The following RBFOX1 variants were observed in gnomAD, a reference collection of about 807,000 sequenced individuals.
RBFOX1 encodes the protein RNA binding protein fox-1 homolog 1.
In RBFOX1, 8 loss-of-function variants were observed where a neutral mutation model predicts 57.7. That is an observed-to-expected ratio of 0.14 (90% CI 0.08 to 0.25). RBFOX1 has a LOEUF of 0.25. Among genes scored for constraint, RBFOX1 ranks in the 10% least tolerant of loss-of-function variants. RBFOX1 has a pLI of 1.00. For missense variants in RBFOX1, 611 were observed against 548.5 expected (o/e 1.11, Z -1.14); for synonymous variants, 326 against 222.4 (o/e 1.47, Z -4.15).
intron 3 of RBFOX1, among the ~76,000 whole-genome samples, chr16:5,794,874 T>A (rs765636314): frequency 2.0e-5 from 3 of 152,186 alleles, no homozygotes; most frequent in Admixed American, 6.5e-5. Context: ...TATGGCGACA[T>A]TCGGCAAGAT....
intron 4 of RBFOX1, among the ~76,000 whole-genome samples, chr16:7,347,731 C>G (rs943925714): frequency 6.6e-6 from 1 of 152,178 alleles, no homozygotes; most frequent in African/African-American, 2.4e-5. Context: ...TGGACCCAAC[C>G]TATCGTATGT....
At chr16:5,898,100 C>T (rs926477120) in intron 4 of RBFOX1, among the ~76,000 whole-genome samples, 7 of 152,078 alleles carry the variant, frequency 4.6e-5, no homozygotes, top group African/African-American at 1.7e-4. Context: ...GGGCAGCAAA[C>T]CTGTCCTTCT....
chr16:5,796,466 A>AG (rs2054882511), intron 3 of RBFOX1, among the ~76,000 whole-genome samples: 1 of 152,182 alleles, frequency 6.6e-6, no homozygotes, highest in African/African-American at 2.4e-5. Flanking sequence ...AGAGAGGAAC[A>AG]GGAGTGGTGG....
intron 2 of RBFOX1, among the ~76,000 whole-genome samples, chr16:5,523,731 G>T (rs76896937): frequency 0.027 from 4,062 of 152,316 alleles, 91 homozygotes; most frequent in Middle Eastern, 0.054. Context: ...TGGTAGTTCT[G>T]TCTTCAATTT....
At chr16:5,399,777 G>C (rs900569671) in intron 1 of RBFOX1, among the ~76,000 whole-genome samples, 12 of 151,554 alleles carry the variant, frequency 7.9e-5, no homozygotes, top group Admixed American at 6.6e-4. Flanking sequence ...GCAGTTCTAA[G>C]TCATGACATA....
chr16:6,787,165 C>T (rs976409388), intron 3 of RBFOX1, among the ~76,000 whole-genome samples: 1 of 152,130 alleles, frequency 6.6e-6, no homozygotes, highest in African/African-American at 2.4e-5. Flanking sequence ...AAACATTTAT[C>T]AGATGTGTGG....
At chr16:6,117,815 C>T (rs1002053396) in intron 1 of RBFOX1, among the ~76,000 whole-genome samples, 2 of 152,174 alleles carry the variant, frequency 1.3e-5, no homozygotes, top group Admixed American at 6.5e-5. Flanking sequence ...GGAAAAAAGA[C>T]ATAGTCAAGT....
chr16:6,743,104 T>A (rs1035049298), intron 3 of RBFOX1, among the ~76,000 whole-genome samples: 8 of 152,222 alleles, frequency 5.3e-5, no homozygotes, highest in African/African-American at 1.9e-4. Context: ...ATTTGTAATA[T>A]TTTCAAAATA....
rs182429832 is a variant in RBFOX1, at chr16:5,407,958, A to C, written c.220-59258A>C. 4.8e-3 allele frequency among the ~76,000 whole-genome samples: 725 copies of C among 152,370 alleles called. 24 individuals are homozygous for C. Among genetic ancestry groups the C allele is most frequent in the Admixed American group, 0.044 (675 of 15,304 alleles). On this transcript the variant is annotated intron_variant, in intron 1 of 2. Coordinates refer to the RBFOX1 transcript ENST00000585867. ...CTGCCCAGGACCCAATTTGGATTGAACAGCCTTAGGAAGATTCTGGCCATT... is the reference window on the plus strand; with the variant it reads ...CTGCCCAGGACCCAATTTGGATTGACCAGCCTTAGGAAGATTCTGGCCATT...
chr16:7,532,325 T>C (rs568257016), intron 5 of RBFOX1, among the ~76,000 whole-genome samples: 15 of 152,100 alleles, frequency 9.9e-5, no homozygotes, highest in Admixed American at 7.2e-4. Context: ...GAGACAACAG[T>C]GGGTGGCGCC....
At chr16:6,074,764 C>T (rs1032886924) in intron 1 of RBFOX1, among the ~76,000 whole-genome samples, 1 of 152,096 alleles carries the variant, frequency 6.6e-6, no homozygotes, top group Non-Finnish European at 1.5e-5. Flanking sequence ...AGAGGCAGCA[C>T]AGAAGCTCAA....
chr16:7,461,193 C>T (rs2059520612), intron 4 of RBFOX1, among the ~76,000 whole-genome samples: 1 of 150,370 alleles, frequency 6.7e-6, no homozygotes, highest in South Asian at 2.1e-4. Context: ...TTTTTTGAGA[C>T]AGTCTCACCC....
At chr16:6,983,144 C>G (rs2089395638) in intron 3 of RBFOX1, among the ~76,000 whole-genome samples, 1 of 151,924 alleles carries the variant, frequency 6.6e-6, no homozygotes, top group Non-Finnish European at 1.5e-5. Flanking sequence ...GTTCCATTGA[C>G]AGCTTCCTAG....
chr16:5,926,049 T>A (rs1266710086), intron 4 of RBFOX1, among the ~76,000 whole-genome samples: 1 of 152,192 alleles, frequency 6.6e-6, no homozygotes, highest in Admixed American at 6.5e-5. Flanking sequence ...TTGGGTGATG[T>A]TCTGACTGTT....
chr16:5,398,064 CG>C (rs149922229), intron 1 of RBFOX1, among the ~76,000 whole-genome samples: 11,041 of 152,178 alleles, frequency 0.073, 1,252 homozygotes, highest in African/African-American at 0.24. Flanking sequence ...AAAAACCACA[CG>C]GGGCTGTGAG....
intron 4 of RBFOX1, among the ~76,000 whole-genome samples, chr16:7,080,546 C>T (rs1466429918): frequency 3.3e-5 from 5 of 152,168 alleles, no homozygotes; most frequent in Admixed American, 6.5e-5. Flanking sequence ...CCTGTAGTCA[C>T]TTAAGCTCTC....
intron 3 of RBFOX1, among the ~76,000 whole-genome samples, chr16:6,713,010 C>G (rs892640489): frequency 1.3e-5 from 2 of 148,542 alleles, no homozygotes; most frequent in African/African-American, 4.9e-5. Flanking sequence ...CCATGTAAGA[C>G]CTGCCTTTGC....
chr16:6,785,689 C>T (rs2081838282), intron 3 of RBFOX1, among the ~76,000 whole-genome samples: 1 of 152,138 alleles, frequency 6.6e-6, no homozygotes, highest in Admixed American at 6.5e-5. Context: ...TCCATGTGAG[C>T]ATGTTACAGC....
At chr16:6,022,572 C>T (rs934049705) in intron 1 of RBFOX1, among the ~76,000 whole-genome samples, 4 of 152,066 alleles carry the variant, frequency 2.6e-5, no homozygotes, top group African/African-American at 9.7e-5. Flanking sequence ...ATCCCAGCTA[C>T]CCTGGAGGCT....
Sources: gnomAD v4.1 joint callset for allele counts (sites outside exome capture counted in the v4.1 genomes callset) on GRCh38, gnomAD v4.1.1 for gene constraint, MANE v1.5 for transcripts, NCBI Gene and HGNC (gene_info 2026-07-23, HGNC 2026-07-21) for gene names.